Variants in OR7C1 observed in about 807,000 individuals in gnomAD.
The protein encoded by OR7C1 is olfactory receptor family 7 subfamily C member 1, also known as olfactory receptor 7C1.
For missense variants in OR7C1, 324 were observed against 383.3 expected (o/e 0.85, Z 1.29); for synonymous variants, 152 against 160.7 (o/e 0.95, Z 0.41).
intron 1 of OR7C1, among the ~76,000 whole-genome samples, chr19:14,817,005 G>T (rs1028563062): frequency 2.0e-5 from 3 of 152,088 alleles, no homozygotes; most frequent in African/African-American, 7.2e-5. Context: ...GAGGGGAGGT[G>T]CCTAATGAGC....
intron 1 of OR7C1, among the ~76,000 whole-genome samples, chr19:14,823,617 A>G (rs1279423773): frequency 6.6e-6 from 1 of 152,134 alleles, no homozygotes; most frequent in East Asian, 1.9e-4. Flanking sequence ...ACCCCCTCTC[A>G]TCTTCCCACC....
chr19:14,798,679 G>T (rs1568245825), exon 5 of OR7C1: 1 of 153,606 alleles, frequency 6.5e-6, no homozygotes, highest in Admixed American at 6.5e-5. Context: ...TAAAAGATTG[G>T]TTGGATCAGG....
chr19:14,827,905 A>C, intron 1 of OR7C1: 7 of 1,614,188 alleles, frequency 4.3e-6, no homozygotes, highest in Non-Finnish European at 5.9e-6. Flanking sequence ...GACAGGAGGA[A>C]GTTTTCAAAT....
chr19:14,817,743 T>A (rs1599919364), intron 1 of OR7C1, among the ~76,000 whole-genome samples: 1 of 152,318 alleles, frequency 6.6e-6, no homozygotes, highest in East Asian at 1.9e-4. Context: ...GCAGTGTCTG[T>A]TAGACTCAGC....
intron 1 of OR7C1, among the ~76,000 whole-genome samples, chr19:14,813,724 G>A (rs1022692368): frequency 1.3e-5 from 2 of 151,052 alleles, no homozygotes; most frequent in Non-Finnish European, 2.9e-5. Flanking sequence ...GAAGGGGGGC[G>A]TGCCAGACAC....
At chr19:14,801,490 T>A (rs1473391218) in intron 2 of OR7C1, among the ~76,000 whole-genome samples, 2 of 152,226 alleles carry the variant, frequency 1.3e-5, no homozygotes, top group Non-Finnish European at 2.9e-5. Flanking sequence ...GGTTAAAAAA[T>A]TTTATAGGTA....
chr19:14,827,108 C>T, intron 1 of OR7C1: 1 of 551,726 alleles, frequency 1.8e-6, no homozygotes, highest in Non-Finnish European at 2.8e-6. Context: ...TGTTGGATAT[C>T]AGAGAGCAGA....
At chr19:14,826,771 C>T (rs2044771894) in intron 1 of OR7C1, 1 of 152,382 alleles carries the variant, frequency 6.6e-6, no homozygotes, top group South Asian at 2.1e-4. Context: ...GGACATGGCA[C>T]TGACAAAGAC....
chr19:14,826,228 G>A (rs1477366111), intron 1 of OR7C1: 3 of 152,152 alleles, frequency 2.0e-5, no homozygotes, highest in Non-Finnish European at 4.4e-5. Context: ...CATGACTGGG[G>A]AGAAGCTCAA....
At chr19:14,829,399 C>G (rs541599570) in intron 1 of OR7C1, among the ~76,000 whole-genome samples, 2 of 152,282 alleles carry the variant, frequency 1.3e-5, no homozygotes, top group South Asian at 2.1e-4. Context: ...GACGGGGTTT[C>G]TCCATGTTGG....
Position 14,813,809 on chromosome 19 carries a change from C to T in OR7C1, c.-622-3816G>A, listed in dbSNP as rs150711924. 3.5e-4 allele frequency among the ~76,000 whole-genome samples: 54 copies of T among 152,146 alleles called. No individual in the cohort carries two copies. The East Asian group carries it at 8.9e-3, about 25-fold the overall frequency. ...GCAAGGGGGAAATCTGCCCCCATGA[C>T]CCAATCACCTCCCACCAGGCCCCTT... is the stretch of plus-strand genomic sequence containing the variant. On this transcript the variant is annotated intron_variant, in intron 1 of 4. Transcript: ENST00000641666.
exon 5 of OR7C1, chr19:14,799,805 T>G: frequency 6.2e-7 from 1 of 1,613,708 alleles, no homozygotes; most frequent in African/African-American, 1.3e-5. Flanking sequence ...GAGTAAATTG[T>G]CCAGGCATCC....
At chr19:14,817,774 C>A (rs2044722390) in intron 1 of OR7C1, among the ~76,000 whole-genome samples, 1 of 151,938 alleles carries the variant, frequency 6.6e-6, no homozygotes, top group African/African-American at 2.4e-5. Context: ...CCACTGCTGA[C>A]AATTAAGTGG....
intron 2 of OR7C1, among the ~76,000 whole-genome samples, chr19:14,808,026 C>A (rs547104551): frequency 1.1e-4 from 17 of 150,738 alleles, no homozygotes; most frequent in Non-Finnish European, 2.1e-4. Flanking sequence ...CTGGTGTAAT[C>A]ATCAGATAAA....
intron 1 of OR7C1, among the ~76,000 whole-genome samples, chr19:14,833,970 C>T (rs1316978083): frequency 6.6e-6 from 1 of 152,108 alleles, no homozygotes; most frequent in East Asian, 1.9e-4. Context: ...ATATTAAAAA[C>T]ACATACAGGC....
chr19:14,803,421 G>C (rs577256106), intron 2 of OR7C1, among the ~76,000 whole-genome samples: 11 of 151,762 alleles, frequency 7.2e-5, no homozygotes, highest in Non-Finnish European at 1.5e-4. Context: ...GGGTCTTTGC[G>C]GGTCGCTGCC....
chr19:14,826,872 G>C (rs2044773017), intron 1 of OR7C1: 1 of 156,916 alleles, frequency 6.4e-6, no homozygotes, highest in African/African-American at 2.4e-5. Flanking sequence ...GAGCATTGAA[G>C]GTAGAGACAG....
chr19:14,822,253 T>G (rs894561634), intron 1 of OR7C1, among the ~76,000 whole-genome samples: 9 of 152,174 alleles, frequency 5.9e-5, no homozygotes, highest in Admixed American at 3.9e-4. Flanking sequence ...GGTAGTTCTA[T>G]TTTTAGTTTT....
In OR7C1 at chr19:14,832,498, T is replaced by A. The variant is rs111324713; in HGVS notation, c.-623+2576A>T. Among the ~76,000 whole-genome samples, 528 of 151,396 alleles carry A rather than the reference T, an allele frequency of 3.5e-3. 2 individuals carry two copies. The highest frequency in any genetic ancestry group is 5.0e-3 in the Non-Finnish European group (338 of 67,842). ...TGGAGTGCAGTGGCGCGATCTCGGC[T>A]GACTGGCAACCTCCGCCTCCTGGGT... On this transcript the variant is annotated intron_variant, in intron 1 of 4. Transcript: ENST00000641666.
Sources: allele counts gnomAD v4.1 joint callset (sites outside exome capture counted in the v4.1 genomes callset), GRCh38; gene constraint gnomAD v4.1.1; transcripts MANE v1.5; gene names NCBI Gene and HGNC (gene_info 2026-07-23, HGNC 2026-07-21).